Variants in SUV39H2 observed in about 807,000 individuals in gnomAD.
SUV39H2 encodes the protein SUV39H2 histone lysine methyltransferase, also known as histone-lysine N-methyltransferase SUV39H2.
In SUV39H2, 10 loss-of-function variants were observed where a neutral mutation model predicts 47.5. The observed-to-expected ratio is 0.21, with a 90% CI of 0.13 to 0.36. The LOEUF is 0.36. Ranked by LOEUF, SUV39H2 falls within the 10% of genes least tolerant of loss-of-function variation. SUV39H2 has a pLI of 1.00. For missense variants in SUV39H2, 266 were observed against 487.4 expected, an observed-to-expected ratio of 0.55 and a Z score of 4.28; for synonymous variants, 159 against 166.8, an observed-to-expected ratio of 0.95 and a Z score of 0.36.
At position 14,892,929 on chromosome 10, in the gene SUV39H2, C is replaced by T. The variant is rs750932847; in HGVS notation, c.178-3917C>T. Among the ~76,000 whole-genome samples the T allele has an allele frequency of 1.5e-3, 221 of 151,454 alleles. 4 individuals are homozygous for T. The highest frequency in any genetic ancestry group is 3.4e-4 in the Non-Finnish European group (23 of 67,876). The stretch of plus-strand genomic sequence containing the variant: ...CCGCCTCCCAGGTTCAAGCAGTTCT[C>T]CTGCCTCAGCCTCCCAAGTAGCTGG... On this transcript the variant is annotated intron_variant, in intron 2 of 5. Coordinates refer to ENST00000354919, the MANE Select transcript of SUV39H2 (RefSeq NM_001193424.2).
chr10:14,896,935 G>A lies in SUV39H2; in HGVS notation c.267G>A (p.Leu89=), dbSNP rs148153307. 6 of 1,613,868 alleles carry A rather than the reference G, an allele frequency of 3.7e-6. No individual in the cohort carries two copies. In the African/African-American group the frequency reaches 6.7e-5, roughly 18 times the overall value. ...TGCAAAATCTGAAGTGCCCGTTACT[G>A]CTTCAGCAATTCTCTAATGACAAGC... ...EPLQNLKCPL[L]LQQFSNDKHN... Residue 89 remains leucine (L), a synonymous_variant, in exon 3 of 6, where the codon CTG becomes CTA. Transcript: ENST00000354919.
At chr10:14,895,809 GT>G (rs1833566468) in intron 2 of SUV39H2, among the ~76,000 whole-genome samples, 1 of 151,636 alleles carries the variant, frequency 6.6e-6, no homozygotes, top group Non-Finnish European at 1.5e-5. Flanking sequence ...TTTCAAGAAT[GT>G]ATTTGATCCA....
chr10:14,894,810 A>G (rs1390847122), intron 2 of SUV39H2, among the ~76,000 whole-genome samples: 2 of 152,200 alleles, frequency 1.3e-5, no homozygotes, highest in Non-Finnish European at 2.9e-5. Flanking sequence ...GGTGTCCCTC[A>G]GCCCAATTTG....
chr10:14,890,991 G>A (rs1474906229), intron 2 of SUV39H2, among the ~76,000 whole-genome samples: 2 of 152,076 alleles, frequency 1.3e-5, no homozygotes, highest in Non-Finnish European at 2.9e-5. Context: ...CCTAAGATAT[G>A]GTGGGCAGTT....
Position 14,901,397 on chromosome 10 carries a change from TA to T in SUV39H2, c.1126+137del, listed in dbSNP as rs374443600. ...AGTTGAGGCACTAAGTTTGTCATCC[TA>T]AGGTACAAAGCTAATCCAACAGCTA... On this transcript the variant is annotated intron_variant, in intron 5 of 5. Transcript: ENST00000354919. 9 of 1,191,432 alleles carry T rather than the reference TA, an allele frequency of 7.6e-6. No homozygotes were observed. The African/African-American group carries it at 1.2e-4, about 16-fold the overall frequency. 73.8% of individuals were successfully genotyped at this position (1,191,432 alleles called of 1,614,324 possible). A position where few individuals can be genotyped will look rare whatever the true frequency, so the allele number is the denominator to read the frequency against.
intron 2 of SUV39H2, among the ~76,000 whole-genome samples, chr10:14,885,277 T>C (rs1192055478): frequency 6.6e-6 from 1 of 152,200 alleles, no homozygotes; most frequent in Non-Finnish European, 1.5e-5. Flanking sequence ...TTTTCCTCCT[T>C]CATACCTGGA....
chr10:14,887,359 G>T (rs187412295), intron 2 of SUV39H2, among the ~76,000 whole-genome samples: 45 of 152,340 alleles, frequency 3.0e-4, no homozygotes, highest in African/African-American at 9.1e-4. Flanking sequence ...GACTTGGGCA[G>T]TGGTGTAGAC....
chr10:14,883,587 C>T (rs1421367974), intron 2 of SUV39H2, among the ~76,000 whole-genome samples: 1 of 151,436 alleles, frequency 6.6e-6, no homozygotes, highest in African/African-American at 2.4e-5. Flanking sequence ...CCCCTGTAAT[C>T]CCAGCTACTC....
At chr10:14,893,717 T>C (rs926383269) in intron 2 of SUV39H2, among the ~76,000 whole-genome samples, 1 of 152,260 alleles carries the variant, frequency 6.6e-6, no homozygotes, top group Non-Finnish European at 1.5e-5. Context: ...TAGTCTGCTA[T>C]AAGCATTCAT....
intron 3 of SUV39H2, chr10:14,899,278 C>T (rs1268116011): frequency 2.8e-6 from 2 of 702,146 alleles, no homozygotes; most frequent in Non-Finnish European, 5.2e-6. Context: ...CATGATGGCA[C>T]CACCGCATTC....
chr10:14,892,665 T>C (rs1833425024), intron 2 of SUV39H2, among the ~76,000 whole-genome samples: 1 of 152,190 alleles, frequency 6.6e-6, no homozygotes, highest in African/African-American at 2.4e-5. Context: ...TATTTCACAT[T>C]ACTGCTGCCT....
intron 2 of SUV39H2, among the ~76,000 whole-genome samples, chr10:14,886,806 A>G (rs1442425296): frequency 6.6e-6 from 1 of 152,220 alleles, no homozygotes; most frequent in African/African-American, 2.4e-5. Context: ...TGCAGTGTAG[A>G]TGTATAAAAA....
chr10:14,897,525 T>G lies in SUV39H2; in HGVS notation c.849+8T>G, dbSNP rs1243326611. On this transcript the variant is annotated splice_region_variant and intron_variant, in intron 3 of 5. Transcript: ENST00000354919. The stretch of plus-strand genomic sequence containing the variant: ...ATGGAATATGTTGGAGAGGTATGTT[T>G]CATTTGCCACGTAGTAAATGATGGA... 1 of 1,514,676 alleles carries G rather than the reference T, an allele frequency of 6.6e-7. No individual in the cohort carries two copies. The allele number at this position is 1,514,676 out of a possible 1,614,324, so 93.8% of individuals were successfully genotyped here.
Position 14,902,549 on chromosome 10 carries a change from T to G in SUV39H2, c.*37T>G, listed in dbSNP as rs1489737264. ...AAATAGAGCTGATGATTATAATATT[T>G]TTTTCCTAATGTTAACATTTTTAAA... On this transcript the variant is annotated 3_prime_UTR_variant, in exon 6 of 6. Coordinates refer to ENST00000354919, the MANE Select transcript of SUV39H2 (RefSeq NM_001193424.2). The G allele has an allele frequency of 7.5e-7, 1 of 1,329,712 alleles. No homozygotes were observed. The allele number at this position is 1,329,712 out of a possible 1,614,324, so 82.4% of individuals were successfully genotyped here. A position where few individuals can be genotyped will look rare whatever the true frequency, so the allele number is the denominator to read the frequency against.
intron 2 of SUV39H2, among the ~76,000 whole-genome samples, chr10:14,888,940 C>G (rs1164244672): frequency 2.6e-5 from 4 of 152,032 alleles, no homozygotes; most frequent in Non-Finnish European, 5.9e-5. Flanking sequence ...CCTGTCTCTA[C>G]TAAAAATACA....
chr10:14,889,195 A>G (rs1833308470), intron 2 of SUV39H2, among the ~76,000 whole-genome samples: 1 of 152,126 alleles, frequency 6.6e-6, no homozygotes, highest in Admixed American at 6.5e-5. Flanking sequence ...AGAAAACGAG[A>G]GGGCTACATG....
chr10:14,887,157 G>A (rs1833236466), intron 2 of SUV39H2, among the ~76,000 whole-genome samples: 1 of 152,188 alleles, frequency 6.6e-6, no homozygotes, highest in African/African-American at 2.4e-5. Context: ...CTGAATGGCT[G>A]TCATAGTAAC....
chr10:14,897,549 G>T (rs765552536), intron 3 of SUV39H2, 32 bp downstream of exon 3: 279 of 1,470,628 alleles, frequency 1.9e-4, no homozygotes, highest in South Asian at 3.5e-4. Flanking sequence ...GTAAATGATG[G>T]ACATGCAAGG....
chr10:14,886,859 C>A (rs898992774), intron 2 of SUV39H2, among the ~76,000 whole-genome samples: 1 of 152,188 alleles, frequency 6.6e-6, no homozygotes, highest in African/African-American at 2.4e-5. Context: ...GGAGGTGCAC[C>A]TTGGATAGGT....
Sources: allele counts gnomAD v4.1 joint callset (sites outside exome capture counted in the v4.1 genomes callset), GRCh38; gene constraint gnomAD v4.1.1; transcripts MANE v1.5; gene names NCBI Gene and HGNC (gene_info 2026-07-23, HGNC 2026-07-21).